Variants in PPARGC1A observed in about 807,000 individuals in gnomAD.
The protein encoded by PPARGC1A is peroxisome proliferator-activated receptor gamma coactivator 1-alpha.
Under a neutral mutation model 88.7 loss-of-function variants are expected in PPARGC1A, and 25 were observed. That is an observed-to-expected ratio of 0.28 (90% confidence interval 0.21 to 0.39). The LOEUF (loss-of-function observed/expected upper bound fraction) is 0.39, where lower values mean the gene tolerates loss of function less well. Ranked by LOEUF, PPARGC1A falls within the 10% of genes least tolerant of loss-of-function variation. PPARGC1A has a pLI of 1.00. For missense variants in PPARGC1A, 880 were observed against 968.7 expected, an observed-to-expected ratio of 0.91 and a Z score of 1.22; for synonymous variants, 363 against 355.6, an observed-to-expected ratio of 1.02 and a Z score of -0.24.
the PPARGC1A span, among the ~76,000 whole-genome samples, chr4:24,391,556 G>A: frequency 6.6e-6 from 1 of 152,076 alleles, no homozygotes; most frequent in Non-Finnish European, 1.5e-5. Flanking sequence ...TGGTGGTGTG[G>A]TCCCTTGAGA....
At chr4:24,076,170 G>A in the PPARGC1A span, among the ~76,000 whole-genome samples, 12 of 152,170 alleles carry the variant, frequency 7.9e-5, no homozygotes, top group East Asian at 2.3e-3. Context: ...TCTTCTATTA[G>A]CAGGCACTGT....
the PPARGC1A span, among the ~76,000 whole-genome samples, chr4:24,434,887 G>A: frequency 9.0e-4 from 137 of 152,298 alleles, no homozygotes; most frequent in African/African-American, 3.0e-3. Flanking sequence ...ACAGCTGCCC[G>A]TACATTTTGT....
At chr4:24,041,625 C>T in the PPARGC1A span, among the ~76,000 whole-genome samples, 12 of 152,122 alleles carry the variant, frequency 7.9e-5, no homozygotes, top group Non-Finnish European at 1.5e-4. Context: ...TTGAGGGTTA[C>T]ACACCCCTTT....
At chr4:24,143,336 G>A in the PPARGC1A span, among the ~76,000 whole-genome samples, 1 of 152,094 alleles carries the variant, frequency 6.6e-6, no homozygotes, top group Non-Finnish European at 1.5e-5. Context: ...TAAACTTCAA[G>A]AAATAGGTGA....
the PPARGC1A span, among the ~76,000 whole-genome samples, chr4:24,204,887 A>G: frequency 0.028 from 4,189 of 152,182 alleles, 102 homozygotes; most frequent in Non-Finnish European, 0.045. Context: ...GCAGTGGCGC[A>G]ATCCCGGCTC....
the PPARGC1A span, among the ~76,000 whole-genome samples, chr4:24,126,268 CA>C: frequency 3.6e-5 from 1 of 28,022 alleles, no homozygotes; most frequent in Non-Finnish European, 6.5e-5. Context: ...GGCTTCTCAC[CA>C]CACACACACA....
At chr4:24,242,166 C>T in the PPARGC1A span, among the ~76,000 whole-genome samples, 432 of 152,308 alleles carry the variant, frequency 2.8e-3, 4 homozygotes, top group Admixed American at 5.2e-3. Flanking sequence ...GTTTCCACCT[C>T]CACACCACAG....
chr4:24,367,269 TC>T, the PPARGC1A span, among the ~76,000 whole-genome samples: 1 of 152,156 alleles, frequency 6.6e-6, no homozygotes, highest in Non-Finnish European at 1.5e-5. Flanking sequence ...ATTTCCACCA[TC>T]AGAGAAATGT....
chr4:23,949,008 G>A, the PPARGC1A span, among the ~76,000 whole-genome samples: 28 of 152,170 alleles, frequency 1.8e-4, no homozygotes, highest in East Asian at 1.6e-3. Context: ...CTTAAACCAT[G>A]TTACTCTCTA....
At chr4:24,207,472 TCCC>T in the PPARGC1A span, among the ~76,000 whole-genome samples, 1 of 152,216 alleles carries the variant, frequency 6.6e-6, no homozygotes, top group Non-Finnish European at 1.5e-5. Flanking sequence ...GTGGAAATTT[TCCC>T]CCTTTTTAAT....
chr4:24,120,997 G>A, the PPARGC1A span, among the ~76,000 whole-genome samples: 1 of 152,184 alleles, frequency 6.6e-6, no homozygotes, highest in Non-Finnish European at 1.5e-5. Context: ...CTCTCCAATA[G>A]CAACAAGCAC....
chr4:24,284,542 T>C, the PPARGC1A span, among the ~76,000 whole-genome samples: 4 of 152,152 alleles, frequency 2.6e-5, no homozygotes, highest in Non-Finnish European at 4.4e-5. Context: ...GGCAGTACAG[T>C]GTCAAGTCAG....
chr4:24,392,428 C>G, the PPARGC1A span, among the ~76,000 whole-genome samples: 1 of 152,150 alleles, frequency 6.6e-6, no homozygotes. Flanking sequence ...TGTTGCCCCT[C>G]CTCATATTCT....
the PPARGC1A span, among the ~76,000 whole-genome samples, chr4:24,436,062 T>C: frequency 6.6e-6 from 1 of 152,190 alleles, no homozygotes; most frequent in Non-Finnish European, 1.5e-5. Context: ...CCTCAACCAC[T>C]ATTCCACTGA....
intron 2 of PPARGC1A, among the ~76,000 whole-genome samples, chr4:23,854,447 T>C (rs1350016963): frequency 6.6e-6 from 1 of 152,188 alleles, no homozygotes; most frequent in Non-Finnish European, 1.5e-5. Context: ...AGACTTCATA[T>C]AAAATTTGAT....
At chr4:23,987,320 T>C in the PPARGC1A span, among the ~76,000 whole-genome samples, 1 of 152,062 alleles carries the variant, frequency 6.6e-6, no homozygotes, top group Non-Finnish European at 1.5e-5. Flanking sequence ...AGGATTTCTT[T>C]TACTACAGAT....
At chr4:24,352,929 CAGTA>C in the PPARGC1A span, among the ~76,000 whole-genome samples, 60 of 152,252 alleles carry the variant, frequency 3.9e-4, 1 homozygote, top group South Asian at 0.012. Flanking sequence ...AGTTCCCTAC[CAGTA>C]AGTATTACAG....
chr4:24,026,487 C>G, the PPARGC1A span, among the ~76,000 whole-genome samples: 1 of 152,112 alleles, frequency 6.6e-6, no homozygotes, highest in African/African-American at 2.4e-5. Flanking sequence ...CATTTCAGGT[C>G]CCTTTCTCCT....
chr4:24,120,569 A>C, the PPARGC1A span, among the ~76,000 whole-genome samples: 1 of 152,210 alleles, frequency 6.6e-6, no homozygotes, highest in African/African-American at 2.4e-5. Context: ...TAGATCTTAC[A>C]GCTATTGAAT....
Sources: gnomAD v4.1 joint callset for allele counts (sites outside exome capture counted in the v4.1 genomes callset) on GRCh38, gnomAD v4.1.1 for gene constraint, MANE v1.5 for transcripts, NCBI Gene and HGNC (gene_info 2026-07-23, HGNC 2026-07-21) for gene names.